Variants in F2R observed in about 807,000 individuals in gnomAD.
The protein encoded by F2R is coagulation factor II thrombin receptor, also known as proteinase-activated receptor 1.
Under a neutral mutation model 18.3 loss-of-function variants are expected in F2R, and 12 were observed. The observed-to-expected ratio is 0.66, with a 90% CI of 0.42 to 1.06. The LOEUF (loss-of-function observed/expected upper bound fraction) is 1.06, where lower values mean the gene tolerates loss of function less well. Among genes scored for constraint, F2R ranks in the 50% least tolerant of loss-of-function variants. The probability of loss-of-function intolerance (pLI) is 0.00; values close to 1 mark genes in which losing one functional copy is unlikely to be tolerated. For missense variants in F2R, 438 were observed against 530.8 expected (o/e 0.83, Z 1.72); for synonymous variants, 210 against 219.9 (o/e 0.95, Z 0.40).
At chr5:76,729,151 C>T (rs768612012) in intron 1 of F2R, among the ~76,000 whole-genome samples, 42 of 152,188 alleles carry the variant, frequency 2.8e-4, no homozygotes, top group Non-Finnish European at 5.3e-4. Context: ...TTCCTTTCCC[C>T]GTATCCTCAC....
chr5:76,732,372 T>A lies in F2R; in HGVS notation c.147T>A (p.Asn49Lys), dbSNP rs1252717955. ...DPRSFLLRNP[N>K]DKYEPFWEDE... ...GGTCATTTCTTCTCAGGAACCCCAA[T>A]GATAAATATGAACCATTTTGGGAGG... The change falls in exon 2 of 2, where the codon AAT becomes AAA. Residue 49 changes from asparagine to lysine, a missense_variant. Coordinates refer to ENST00000319211, the MANE Select transcript of F2R (RefSeq NM_001992.5). 2.5e-6 allele frequency: 4 copies of A among 1,613,870 alleles called. No individual in the cohort carries two copies. The highest frequency in any genetic ancestry group is 3.3e-5 in the Admixed American group (2 of 59,962).
intron 1 of F2R, among the ~76,000 whole-genome samples, chr5:76,725,986 G>A (rs1420454055): frequency 6.6e-6 from 1 of 152,168 alleles, no homozygotes; most frequent in African/African-American, 2.4e-5. Flanking sequence ...GTGTCATCTT[G>A]ATTCATGTAT....
chr5:76,716,367 G>C lies in F2R; in HGVS notation c.60G>C (p.Leu20Phe). 6.8e-7 allele frequency: 1 copy of C among 1,463,650 alleles called. No individual in the cohort carries two copies. Among genetic ancestry groups the C allele is most frequent in the Non-Finnish European group, 9.0e-7 (1 of 1,110,898 alleles). 90.7% of individuals were successfully genotyped at this position (1,463,650 alleles called of 1,614,324 possible). A position where few individuals can be genotyped will look rare whatever the true frequency, so the allele number is the denominator to read the frequency against. ...AACFSLCGPL[L>F]SARTRARRPE... Reference sequence around the variant, plus strand: ...GCTTCAGTCTGTGCGGCCCGCTGTTGTCTGCCCGCACCCGGGCCCGCAGGC... The same window carrying C: ...GCTTCAGTCTGTGCGGCCCGCTGTTCTCTGCCCGCACCCGGGCCCGCAGGC... The change falls in exon 1 of 2, where the codon TTG becomes TTC. Residue 20 changes from leucine to phenylalanine, a missense_variant. By Grantham distance (22) the Leu-to-Phe change is conservative. Transcript: ENST00000319211.
rs917394638 is a variant in F2R, at chr5:76,734,048, G to T, written c.*545G>T. On this transcript the variant is annotated 3_prime_UTR_variant, in exon 2 of 2. Transcript: ENST00000319211. ...GAAATTGTTTGACGGCAAGGTTTAA[G>T]TTATTAAGAGGTAAGACTTAGTACT... 1.3e-5 allele frequency: 2 copies of T among 154,642 alleles called. No individual in the cohort carries two copies. The highest frequency in any genetic ancestry group is 4.8e-5 in the African/African-American group (2 of 41,454). 9.6% of individuals were successfully genotyped at this position (154,642 alleles called of 1,614,324 possible).
At chr5:76,732,121 A>G (rs1748678321) in intron 1 of F2R, among the ~76,000 whole-genome samples, 193 bp from the exon 2 acceptor site, 2 of 151,784 alleles carry the variant, frequency 1.3e-5, no homozygotes, top group Non-Finnish European at 2.9e-5. Context: ...GCTTATATCA[A>G]GACAAATGTT....
At chr5:76,720,589 A>ATGTACAC (rs1748430678) in intron 1 of F2R, among the ~76,000 whole-genome samples, 2 of 152,126 alleles carry the variant, frequency 1.3e-5, no homozygotes, top group Admixed American at 1.3e-4. Flanking sequence ...ACAGTGTACA[A>ATGTACAC]TGTACACTGT....
At chr5:76,723,276 A>G (rs1316363698) in intron 1 of F2R, among the ~76,000 whole-genome samples, 1 of 152,208 alleles carries the variant, frequency 6.6e-6, no homozygotes, top group Non-Finnish European at 1.5e-5. Flanking sequence ...GGTGACATGC[A>G]AAGAGAAAAA....
chr5:76,735,110 A>G lies in F2R; in HGVS notation c.*1607A>G, dbSNP rs1748756717. ...AAAGTAATTTGGAAATTAGGTTGAAACATATCTCTTATCTTACGAAAAAAT... is the reference window on the plus strand; with the variant it reads ...AAAGTAATTTGGAAATTAGGTTGAAGCATATCTCTTATCTTACGAAAAAAT... On this transcript the variant is annotated 3_prime_UTR_variant, in exon 2 of 2. Coordinates refer to ENST00000319211, the MANE Select transcript of F2R (RefSeq NM_001992.5). The G allele has an allele frequency of 6.6e-6, 1 of 152,370 alleles. No homozygotes were observed. Among genetic ancestry groups the G allele is most frequent in the Non-Finnish European group, 1.5e-5 (1 of 68,044 alleles). The allele number at this position is 152,370 out of a possible 1,614,324, so 9.4% of individuals were successfully genotyped here. A position where few individuals can be genotyped will look rare whatever the true frequency, so the allele number is the denominator to read the frequency against.
At chr5:76,731,085 C>T (rs1426993713) in intron 1 of F2R, among the ~76,000 whole-genome samples, 1 of 152,176 alleles carries the variant, frequency 6.6e-6, no homozygotes, top group Non-Finnish European at 1.5e-5. Context: ...ACATCGGCTG[C>T]TCTGCTGACC....
rs1200726319 is a variant in F2R at position 76,732,499 on chromosome 5, G to T, written c.274G>T (p.Ala92Ser). Residue 92 changes from alanine (A) to serine (S), a missense_variant, in exon 2 of 2, where the codon GCC becomes TCC. Ala to Ser is a moderately conservative substitution (Grantham distance 99, BLOSUM62 1). Transcript: ENST00000319211. ...ACTTCCTGCATTCATCTCAGAAGAT[G>T]CCTCCGGATATTTGACCAGCTCCTG... is the stretch of plus-strand genomic sequence containing the variant. Reference protein sequence around the residue: ...KQLPAFISEDASGYLTSSWLT... With the variant: ...KQLPAFISEDSSGYLTSSWLT... 1 of 1,614,168 alleles carries T rather than the reference G, an allele frequency of 6.2e-7. No homozygotes were observed. Among genetic ancestry groups the T allele is most frequent in the Non-Finnish European group, 8.5e-7 (1 of 1,180,038 alleles).
Position 76,733,071 on chromosome 5 carries a change from G to C in F2R, c.846G>C (p.Pro282=), listed in dbSNP as rs1218575459. ...TCTCTGCTGTCTTCTTTTTTGTGCCGCTGATCATTTCCACGGTCTGTTATG... is the reference window on the plus strand; with the variant it reads ...TCTCTGCTGTCTTCTTTTTTGTGCCCCTGATCATTTCCACGGTCTGTTATG... The part of the protein sequence containing the change: ...SAFSAVFFFV[P]LIISTVCYVS... Residue 282 remains proline, a synonymous_variant, in exon 2 of 2, where the codon CCG becomes CCC. Transcript: ENST00000319211. 2.5e-6 allele frequency: 4 copies of C among 1,613,980 alleles called. No individual in the cohort carries two copies. The highest frequency in any genetic ancestry group is 3.4e-6 in the Non-Finnish European group (4 of 1,180,006).
At position 76,716,251 on chromosome 5, in the gene F2R, C is replaced by A; in HGVS notation, c.-57C>A. 7.8e-7 allele frequency: 1 copy of A among 1,289,698 alleles called. No individual in the cohort carries two copies. The highest frequency in any genetic ancestry group is 9.9e-7 in the Non-Finnish European group (1 of 1,009,344). The allele number at this position is 1,289,698 out of a possible 1,614,324, so 79.9% of individuals were successfully genotyped here. On this transcript the variant is annotated 5_prime_UTR_variant, in exon 1 of 2. Coordinates refer to ENST00000319211, the MANE Select transcript of F2R (RefSeq NM_001992.5). Reference sequence around the variant, plus strand: ...GCAGAAGTCAGGAGAGAGGGTGAAGCGGAGCAGCCCGAGGCGGGGCAGCCT... The same window carrying A: ...GCAGAAGTCAGGAGAGAGGGTGAAGAGGAGCAGCCCGAGGCGGGGCAGCCT...
chr5:76,721,458 C>T (rs549936982), intron 1 of F2R, among the ~76,000 whole-genome samples: 9 of 152,276 alleles, frequency 5.9e-5, no homozygotes, highest in Admixed American at 2.6e-4. Flanking sequence ...AGGGCCCTGA[C>T]GGTCCTATAT....
At chr5:76,729,847 T>C (rs1475222494) in intron 1 of F2R, among the ~76,000 whole-genome samples, 1 of 152,212 alleles carries the variant, frequency 6.6e-6, no homozygotes, top group Non-Finnish European at 1.5e-5. Flanking sequence ...GATTGAATCA[T>C]GGAGACGGGT....
At position 76,734,755 on chromosome 5, in the gene F2R, C is replaced by G. The variant is rs937788615; in HGVS notation, c.*1252C>G. On this transcript the variant is annotated 3_prime_UTR_variant, in exon 2 of 2. Coordinates refer to ENST00000319211, the MANE Select transcript of F2R (RefSeq NM_001992.5). ...GTTTCACACAAACAAGGCCTGTCAG[C>G]TAAAGAAGTTTGAACATTTGGGTTA... is the stretch of plus-strand genomic sequence containing the variant. The G allele has an allele frequency of 1.3e-5, 2 of 152,274 alleles. No homozygotes were observed. Among genetic ancestry groups the G allele is most frequent in the East Asian group, 1.9e-4 (1 of 5,344 alleles). 9.4% of individuals were successfully genotyped at this position (152,274 alleles called of 1,614,324 possible).
intron 1 of F2R, 184 bp downstream of exon 1, chr5:76,716,579 G>A (rs1467974219): frequency 1.4e-6 from 1 of 691,658 alleles, no homozygotes; most frequent in Non-Finnish European, 2.5e-6. Context: ...CCCTTCGCGG[G>A]CCCAGCCGAT....
chr5:76,719,882 C>T (rs1454282837), intron 1 of F2R, among the ~76,000 whole-genome samples: 8 of 152,154 alleles, frequency 5.3e-5, no homozygotes, highest in Non-Finnish European at 1.0e-4. Context: ...TTTACTTTCG[C>T]TAACAGATGA....
At chr5:76,726,566 C>T (rs574491337) in intron 1 of F2R, among the ~76,000 whole-genome samples, 23 of 150,842 alleles carry the variant, frequency 1.5e-4, no homozygotes, top group Admixed American at 3.3e-4. Flanking sequence ...CTGGGCATGG[C>T]GGTGCGTGCT....
At position 76,734,878 on chromosome 5, in the gene F2R, T is replaced by C. The variant is rs1158957353; in HGVS notation, c.*1375T>C. The C allele has an allele frequency of 1.3e-5, 2 of 152,386 alleles. No homozygotes were observed. Among genetic ancestry groups the C allele is most frequent in the Non-Finnish European group, 2.9e-5 (2 of 68,034 alleles). The allele number at this position is 152,386 out of a possible 1,614,324, so 9.4% of individuals were successfully genotyped here. A position where few individuals can be genotyped will look rare whatever the true frequency, so the allele number is the denominator to read the frequency against. ...TAATTGGGCACTATTTATTTACAAA[T>C]GTTTTGCTCAATAGATTGCTCAAAT... On this transcript the variant is annotated 3_prime_UTR_variant, in exon 2 of 2. Transcript: ENST00000319211.
Sources: allele counts gnomAD v4.1 joint callset (sites outside exome capture counted in the v4.1 genomes callset), GRCh38; gene constraint gnomAD v4.1.1; transcripts MANE v1.5; gene names NCBI Gene and HGNC (gene_info 2026-07-23, HGNC 2026-07-21).